The following CMTM4 variants were observed in gnomAD, a reference collection of about 807,000 sequenced individuals.
CMTM4 encodes the protein CKLF-like MARVEL transmembrane domain-containing protein 4.
A neutral mutation model predicts 19.0 loss-of-function variants in CMTM4; 8 were observed. That is an observed-to-expected ratio of 0.42 (90% confidence interval 0.25 to 0.76). The LOEUF (loss-of-function observed/expected upper bound fraction) is 0.76, where lower values mean the gene tolerates loss of function less well. CMTM4 is among the 30% of genes least tolerant of loss of function. CMTM4 has a pLI of 0.27. For missense variants in CMTM4, 228 were observed against 290.2 expected (o/e 0.79, Z 1.56); for synonymous variants, 106 against 121.1 (o/e 0.88, Z 0.82).
chr16:66,630,473 G>A (rs1204205015), intron 2 of CMTM4, among the ~76,000 whole-genome samples: 1 of 151,672 alleles, frequency 6.6e-6, no homozygotes, highest in African/African-American at 2.4e-5. Flanking sequence ...CGAGTGCCTG[G>A]GATTGCAGGC....
chr16:66,693,974 A>G, intron 1 of CMTM4, among the ~76,000 whole-genome samples: 1 of 152,078 alleles, frequency 6.6e-6, no homozygotes, highest in Admixed American at 6.6e-5. Context: ...GTGAGCCAAG[A>G]TTGTGCCACT....
intron 1 of CMTM4, among the ~76,000 whole-genome samples, chr16:66,664,639 T>C (rs2016559236): frequency 6.6e-6 from 1 of 151,052 alleles, no homozygotes; most frequent in South Asian, 2.1e-4. Flanking sequence ...ATGTAATTCG[T>C]AGACCAAACA....
chr16:66,663,962 G>A (rs187990825), intron 1 of CMTM4, among the ~76,000 whole-genome samples: 2 of 152,294 alleles, frequency 1.3e-5, no homozygotes, highest in Admixed American at 1.3e-4. Flanking sequence ...GCCAGGTGCA[G>A]TGGCACATGC....
Position 66,621,836 on chromosome 16 carries a change from A to G in CMTM4, c.*222T>C. ...AGACCTCAAGTGGACCTGGGCAGTG[A>G]CGCCGGCTGCTCCACAGCCCCAAAC... On this transcript the variant is annotated 3_prime_UTR_variant, in exon 4 of 4. Transcript: ENST00000394106. 1 of 1,389,594 alleles carries G rather than the reference A, an allele frequency of 7.2e-7. No homozygotes were observed. The highest frequency in any genetic ancestry group is 9.3e-7 in the Non-Finnish European group (1 of 1,071,812). 86.1% of individuals were successfully genotyped at this position (1,389,594 alleles called of 1,614,324 possible).
intron 1 of CMTM4, among the ~76,000 whole-genome samples, chr16:66,642,926 T>C (rs975711343): frequency 6.6e-6 from 1 of 152,158 alleles, no homozygotes; most frequent in Non-Finnish European, 1.5e-5. Context: ...ATAGCAATTT[T>C]TGGTTTTGTT....
At chr16:66,685,576 C>T (rs535053924) in intron 1 of CMTM4, among the ~76,000 whole-genome samples, 3 of 152,274 alleles carry the variant, frequency 2.0e-5, no homozygotes, top group East Asian at 3.9e-4. Context: ...CATCCTGACA[C>T]ACAGCCCTGT....
chr16:66,631,245 C>T lies in CMTM4; in HGVS notation c.363+5160G>A, dbSNP rs868187956. On this transcript the variant is annotated intron_variant, in intron 2 of 3. Coordinates refer to ENST00000394106, the MANE Select transcript of CMTM4 (RefSeq NM_181521.3). ...CAGCCCCCCGCCCGGCCAGCCGCCC[C>T]GTCCAGGAGGGAGGTGGGGGGTCAG... Among the ~76,000 whole-genome samples the T allele has an allele frequency of 3.4e-3, 488 of 142,388 alleles. 1 individual carries two copies. The highest frequency in any genetic ancestry group is 0.011 in the African/African-American group (429 of 37,938). 93.4% of individuals were successfully genotyped at this position (142,388 alleles called of 152,430 possible).
intron 2 of CMTM4, among the ~76,000 whole-genome samples, chr16:66,627,035 C>T (rs535995787): frequency 1.3e-5 from 2 of 151,972 alleles, no homozygotes; most frequent in African/African-American, 2.4e-5. Flanking sequence ...CCCAGGAGGT[C>T]GAGGCTGCAG....
intron 1 of CMTM4, among the ~76,000 whole-genome samples, chr16:66,679,823 C>CAA (rs748044272): frequency 5.8e-4 from 37 of 64,024 alleles, no homozygotes; most frequent in African/African-American, 1.7e-3. Flanking sequence ...GACTCTATGT[C>CAA]AAAAAAAAAA....
At chr16:66,604,930 G>A in the CMTM4 span, 4 of 1,499,740 alleles carry the variant, frequency 2.7e-6, no homozygotes, top group Non-Finnish European at 3.5e-6. Context: ...TCTCTCAAAG[G>A]CCGCCTCCTG....
intron 1 of CMTM4, among the ~76,000 whole-genome samples, chr16:66,678,747 C>T (rs530447779): frequency 1.3e-5 from 2 of 152,244 alleles, no homozygotes; most frequent in East Asian, 3.9e-4. Context: ...TTGTAATGTC[C>T]TACTGTTTCC....
chr16:66,675,946 A>G (rs1304151229), intron 1 of CMTM4, among the ~76,000 whole-genome samples: 2 of 150,988 alleles, frequency 1.3e-5, no homozygotes, highest in Non-Finnish European at 3.0e-5. Context: ...GTAACCTCGT[A>G]CTCCCAGTCT....
Position 66,696,419 on chromosome 16 carries a change from T to C in CMTM4, c.107A>G (p.Gln36Arg). 1 of 1,401,356 alleles carries C rather than the reference T, an allele frequency of 7.1e-7. No homozygotes were observed. The highest frequency in any genetic ancestry group is 9.3e-7 in the Non-Finnish European group (1 of 1,079,650). The allele number at this position is 1,401,356 out of a possible 1,614,324, so 86.8% of individuals were successfully genotyped here. Residue 36 changes from glutamine to arginine, a missense_variant, in exon 1 of 4, where the codon CAG becomes CGG. Around this residue, in one of 3 missense-constraint regions of CMTM4, gnomAD observed 200 missense variants for 226.6 expected, o/e 0.88. Coordinates refer to ENST00000394106, the MANE Select transcript of CMTM4 (RefSeq NM_181521.3). The surrounding 1 kb of genome is among the most constrained non-coding windows in gnomAD (Gnocchi z 4.3). ...PYQPTTEPVS[Q>R]RRGLAGLRCD... ...GCGCAGGCCGGCCAGCCCGCGGCGC[T>C]GGCTCACCGGCTCGGTGGTGGGCTG...
chr16:66,620,951 A>G lies in CMTM4; in HGVS notation c.*1107T>C, dbSNP rs1348909835. Reference sequence around the variant, plus strand: ...GTAGCTAGGATTTTTCCCCCCAACAACTCCCAAGAATGATGTCTACAGTTA... The same window carrying G: ...GTAGCTAGGATTTTTCCCCCCAACAGCTCCCAAGAATGATGTCTACAGTTA... On this transcript the variant is annotated 3_prime_UTR_variant, in exon 4 of 4. Coordinates refer to ENST00000394106, the MANE Select transcript of CMTM4 (RefSeq NM_181521.3). The G allele has an allele frequency of 1.0e-5, 10 of 985,758 alleles. No homozygotes were observed. The highest frequency in any genetic ancestry group is 1.2e-5 in the Non-Finnish European group (10 of 829,918). 61.1% of individuals were successfully genotyped at this position (985,758 alleles called of 1,614,324 possible).
chr16:66,660,940 G>A (rs165056), intron 1 of CMTM4, among the ~76,000 whole-genome samples: 7,522 of 152,150 alleles, frequency 0.049, 293 homozygotes, highest in East Asian at 0.11. Context: ...CGTCTAGCTG[G>A]CTCCCTGCTC....
At chr16:66,680,870 A>G (rs1027023330) in intron 1 of CMTM4, among the ~76,000 whole-genome samples, 5 of 152,012 alleles carry the variant, frequency 3.3e-5, no homozygotes, top group African/African-American at 1.2e-4. Context: ...CACTGCCAAA[A>G]GACCAGTTAG....
In CMTM4 at chr16:66,622,571, A is replaced by G. The variant is rs355948; in HGVS notation, c.463-349T>C. On this transcript the variant is annotated intron_variant, in intron 3 of 3. Coordinates refer to ENST00000394106, the MANE Select transcript of CMTM4 (RefSeq NM_181521.3). This position sits in a 1 kb window ranked among gnomAD's most constrained non-coding sequence, Gnocchi z 4.0. ...CTTTTGAAGTATTTTGGACGTATAAAAAAATAAATCACAAAAGTACCTCTT... is the reference window on the plus strand; with the variant it reads ...CTTTTGAAGTATTTTGGACGTATAAGAAAATAAATCACAAAAGTACCTCTT... 0.095 allele frequency among the ~76,000 whole-genome samples: 14,421 copies of G among 152,252 alleles called. 948 individuals are homozygous for G. The highest frequency in any genetic ancestry group is 0.27 in the East Asian group (1,407 of 5,182).
At position 66,620,581 on chromosome 16, in the gene CMTM4, C is replaced by T. The variant is rs1345562354; in HGVS notation, c.*1477G>A. On this transcript the variant is annotated 3_prime_UTR_variant, in exon 4 of 4. Transcript: ENST00000394106. Reference sequence around the variant, plus strand: ...GGTGACGCTTTCTTGCACAGACCCCCCGCCGCCCCCTCGGAGTTATTTATT... The same window carrying T: ...GGTGACGCTTTCTTGCACAGACCCCTCGCCGCCCCCTCGGAGTTATTTATT... 1.0e-6 allele frequency: 1 copy of T among 985,590 alleles called. No homozygotes were observed. The highest frequency in any genetic ancestry group is 1.2e-6 in the Non-Finnish European group (1 of 830,000). 61.1% of individuals were successfully genotyped at this position (985,590 alleles called of 1,614,324 possible).
At chr16:66,608,343 C>T in the CMTM4 span, 264 of 1,614,084 alleles carry the variant, frequency 1.6e-4, no homozygotes, top group Non-Finnish European at 2.1e-4. This position sits in a 1 kb window ranked among gnomAD's most constrained non-coding sequence, Gnocchi z 5.1. Context: ...TGCTATGTGG[C>T]GTCCTCAGCA....
Sources: gnomAD v4.1 joint callset for allele counts (sites outside exome capture counted in the v4.1 genomes callset) on GRCh38, gnomAD v4.1.1 for gene constraint, gnomAD v4.1.1 regional missense constraint, Gnocchi (gnomAD v3.1) non-coding constraint, MANE v1.5 for transcripts, NCBI Gene and HGNC (gene_info 2026-07-23, HGNC 2026-07-21) for gene names.